Variants in YY1AP1 observed in about 807,000 individuals in gnomAD.
YY1AP1 encodes YY1-associated protein 1.
In YY1AP1, 43 loss-of-function variants were observed where a neutral mutation model predicts 39.9. The ratio of observed to expected loss-of-function variants is 1.08; its 90% CI spans 0.84 to 1.39. YY1AP1 has a LOEUF of 1.39. Ranked by LOEUF, YY1AP1 falls within the 40% of genes most tolerant of loss-of-function variation. The probability of loss-of-function intolerance (pLI) is 0.00; values close to 1 mark genes in which losing one functional copy is unlikely to be tolerated. For missense variants in YY1AP1, 813 were observed against 900.7 expected, an observed-to-expected ratio of 0.90 and a Z score of 1.25; for synonymous variants, 292 against 331.3, an observed-to-expected ratio of 0.88 and a Z score of 1.29.
intron 9 of YY1AP1, among the ~76,000 whole-genome samples, chr1:155,663,794 G>A (rs542897171): frequency 6.6e-6 from 1 of 151,888 alleles, no homozygotes; most frequent in South Asian, 2.1e-4. Context: ...AAATACTAAG[G>A]CATATTATCA....
chr1:155,688,452 C>T (rs1171516481), intron 1 of YY1AP1: 1 of 1,549,048 alleles, frequency 6.5e-7, no homozygotes, highest in African/African-American at 1.4e-5. Context: ...CCGCTTCGCC[C>T]GACTCCGGCC....
chr1:155,667,686 G>C (rs1340070187), intron 9 of YY1AP1, among the ~76,000 whole-genome samples: 3 of 151,774 alleles, frequency 2.0e-5, no homozygotes, highest in African/African-American at 7.3e-5. Flanking sequence ...GCTGGGCATG[G>C]TGGCAGGGGC....
At chr1:155,679,840 A>C in intron 3 of YY1AP1, 1 of 1,147,546 alleles carries the variant, frequency 8.7e-7, no homozygotes, top group Non-Finnish European at 1.1e-6. Flanking sequence ...AATACTTTAA[A>C]ACTAGTTGGC....
intron 9 of YY1AP1, among the ~76,000 whole-genome samples, chr1:155,666,413 G>A (rs1019358077): frequency 3.9e-5 from 6 of 152,066 alleles, no homozygotes; most frequent in Non-Finnish European, 7.4e-5. Context: ...GAGCCACCGC[G>A]CCCAGCCAAC....
intron 9 of YY1AP1, 34 bp downstream of exon 9, chr1:155,668,593 A>G: frequency 6.2e-7 from 1 of 1,614,062 alleles, no homozygotes; most frequent in Non-Finnish European, 8.5e-7. Context: ...TGTGTTGGTG[A>G]GGTGCCTGGA....
chr1:155,676,140 T>G (rs752396881), intron 5 of YY1AP1, among the ~76,000 whole-genome samples: 19 of 151,436 alleles, frequency 1.3e-4, no homozygotes, highest in Non-Finnish European at 2.2e-4. Flanking sequence ...GAGAATGGCG[T>G]GAACCCGGGA....
intron 9 of YY1AP1, among the ~76,000 whole-genome samples, chr1:155,665,413 C>A (rs1437878248): frequency 1.1e-4 from 17 of 151,610 alleles, no homozygotes; most frequent in Non-Finnish European, 1.9e-4. Flanking sequence ...TCCTGGCTAA[C>A]ATGGTGAAAC....
chr1:155,673,037 G>A (rs1177291543), intron 6 of YY1AP1, among the ~76,000 whole-genome samples: 2 of 151,988 alleles, frequency 1.3e-5, no homozygotes, highest in Admixed American at 6.6e-5. Context: ...AATTTATTTT[G>A]AGACATGGTC....
At chr1:155,668,598 C>A (rs370611857) in intron 9 of YY1AP1, 29 bp downstream of exon 9, 2 of 1,613,868 alleles carry the variant, frequency 1.2e-6, no homozygotes, top group South Asian at 1.1e-5. Context: ...TGGTGAGGTG[C>A]CTGGATAGTG....
chr1:155,670,594 A>T (rs1571333912), intron 7 of YY1AP1, 130 bp from the exon 8 acceptor site: 1 of 919,826 alleles, frequency 1.1e-6, no homozygotes, highest in Non-Finnish European at 1.6e-6. Flanking sequence ...TCTGCCTACC[A>T]CTCCCCAAAG....
chr1:155,659,966 C>A lies in YY1AP1; in HGVS notation c.1944G>T (p.Gly648=). ...GTTCTAGGCCCTGAAAGGCATTTTC[C>A]CCATCAGCCACAGCACAAGCAATGT... ...NVDIACAVAD[G]ENAFQGLEPK... is the part of the protein sequence containing the mutation. Residue 648 remains glycine, a synonymous_variant, in exon 11 of 11, where the codon GGG becomes GGT. Transcript: ENST00000355499. 6.2e-7 allele frequency: 1 copy of A among 1,614,184 alleles called. No individual in the cohort carries two copies. Among genetic ancestry groups the A allele is most frequent in the Non-Finnish European group, 8.5e-7 (1 of 1,180,046 alleles).
chr1:155,688,220 A>C lies in YY1AP1; in HGVS notation c.-151-19T>G, dbSNP rs771133757. The C allele has an allele frequency of 6.2e-7, 1 of 1,613,412 alleles. No individual in the cohort carries two copies. The highest frequency in any genetic ancestry group is 8.5e-7 in the Non-Finnish European group (1 of 1,179,790). ...AAGCCGACTGGCGGAAATGCGAGAG[A>C]GGAGAAGGGAAAGGTGGAGGGCTAA... On this transcript the variant is annotated intron_variant, in intron 1 of 10. Coordinates refer to ENST00000355499, the MANE Select transcript of YY1AP1 (RefSeq NM_139119.3).
chr1:155,662,395 G>A (rs1648298415), intron 9 of YY1AP1, among the ~76,000 whole-genome samples: 1 of 151,802 alleles, frequency 6.6e-6, no homozygotes, highest in Admixed American at 6.6e-5. Flanking sequence ...GGAGGCTGGG[G>A]CAAAAGAATC....
intron 9 of YY1AP1, among the ~76,000 whole-genome samples, chr1:155,668,011 A>G (rs1416472775): frequency 6.6e-6 from 1 of 151,974 alleles, no homozygotes; most frequent in Admixed American, 6.6e-5. Context: ...AAATTGAGAA[A>G]AAGTATATAG....
chr1:155,688,478 C>T (rs1274460986), intron 1 of YY1AP1, 181 bp downstream of exon 1: 1 of 1,549,802 alleles, frequency 6.5e-7, no homozygotes, highest in Middle Eastern at 1.7e-4. Context: ...GCGCGCACGT[C>T]AGCCCGCACG....
intron 2 of YY1AP1, among the ~76,000 whole-genome samples, chr1:155,683,775 C>T (rs1285496284): frequency 8.5e-5 from 13 of 152,240 alleles, no homozygotes; most frequent in Non-Finnish European, 2.9e-5. Context: ...GGCTTCCCCA[C>T]CAAGGCAAAA....
chr1:155,668,777 A>C lies in YY1AP1; in HGVS notation c.729T>G (p.Asn243Lys), dbSNP rs761538372. Residue 243 changes from asparagine to lysine, a missense_variant and splice_region_variant, in exon 9 of 11, where the codon AAT (asparagine) becomes AAG (lysine). Around this residue, in one of 3 missense-constraint regions of YY1AP1, gnomAD observed 586 missense variants for 647.4 expected, o/e 0.91. Transcript: ENST00000355499. ...DKILFTKAED[N>K]LLALGLKHFE... ...AATGCTTCAGTCCTAAAGCTAACAA[A>C]CTGAGAAAGGAGCAATAACACTAAA... 7 of 1,614,166 alleles carry C rather than the reference A, an allele frequency of 4.3e-6. No individual in the cohort carries two copies. The East Asian group carries it at 1.6e-4, about 36-fold the overall frequency.
intron 7 of YY1AP1, among the ~76,000 whole-genome samples, chr1:155,671,772 C>T (rs764335924): frequency 1.2e-4 from 18 of 152,132 alleles, no homozygotes; most frequent in African/African-American, 2.4e-4. Context: ...TATTAAATCA[C>T]GTTTTCATTA....
chr1:155,688,540 T>A (rs1653060290), intron 1 of YY1AP1, 119 bp downstream of exon 1: 4 of 1,541,764 alleles, frequency 2.6e-6, no homozygotes, highest in Non-Finnish European at 3.5e-6. Flanking sequence ...ACCACCACCT[T>A]CGGCCGTCCT....
Sources: allele counts gnomAD v4.1 joint callset (sites outside exome capture counted in the v4.1 genomes callset), GRCh38; gene constraint gnomAD v4.1.1; regional missense constraint gnomAD v4.1.1; transcripts MANE v1.5; gene names NCBI Gene and HGNC (gene_info 2026-07-23, HGNC 2026-07-21).